Variants in SORCS2 observed in about 807,000 individuals in gnomAD.
SORCS2 encodes VPS10 domain-containing receptor SorCS2.
Under a neutral mutation model 141.6 loss-of-function variants are expected in SORCS2, and 100 were observed. The ratio of observed to expected loss-of-function variants is 0.71; its 90% CI spans 0.60 to 0.83. The LOEUF (loss-of-function observed/expected upper bound fraction) is 0.83. Ranked by LOEUF, SORCS2 falls within the 40% of genes least tolerant of loss-of-function variation. SORCS2 has a pLI of 0.00. For synonymous variants in SORCS2, 789 were observed against 676.9 expected (o/e 1.17, Z -2.57); for missense variants, 1,646 against 1,560.2 (o/e 1.05, Z -0.93).
chr4:7,472,806 C>G lies in SORCS2; in HGVS notation c.549-58724C>G, dbSNP rs373426369. Among the ~76,000 whole-genome samples, 3 of 152,258 alleles carry G rather than the reference C, an allele frequency of 2.0e-5. No individual in the cohort carries two copies. The South Asian group carries it at 6.2e-4, about 32-fold the overall frequency. ...GACTCCCCGCTGTGAGGCTCCCACT[C>G]TAGAACCTGGTTTGATTGGGGCGAG... On this transcript the variant is annotated intron_variant, in intron 2 of 26. Coordinates refer to ENST00000507866, the MANE Select transcript of SORCS2 (RefSeq NM_020777.3).
intron 3 of SORCS2, among the ~76,000 whole-genome samples, chr4:7,592,461 C>G (rs1376048197): frequency 6.6e-6 from 1 of 152,322 alleles, no homozygotes; most frequent in South Asian, 2.1e-4. Flanking sequence ...TTCTTTCTGG[C>G]TATCTGAACA....
intron 6 of SORCS2, 123 bp downstream of exon 6, chr4:7,661,687 T>A (rs760137060): frequency 2.0e-5 from 17 of 846,380 alleles, no homozygotes; most frequent in Non-Finnish European, 3.0e-5. Context: ...GGCCTCACTG[T>A]GTCTCGATGT....
At chr4:7,375,145 T>A (rs3864211) in intron 1 of SORCS2, among the ~76,000 whole-genome samples, 104,167 of 152,006 alleles carry the variant, frequency 0.69, 36,027 homozygotes, top group East Asian at 0.94. Flanking sequence ...CTCCCCTGCA[T>A]CACCCTCTCT....
intron 2 of SORCS2, among the ~76,000 whole-genome samples, chr4:7,439,629 G>A (rs529557158): frequency 2.4e-4 from 37 of 152,244 alleles, no homozygotes; most frequent in South Asian, 8.3e-4. Context: ...CTTGAACCTC[G>A]CATTGGTGGA....
At chr4:7,626,161 A>T (rs1318350510) in intron 3 of SORCS2, among the ~76,000 whole-genome samples, 1 of 151,970 alleles carries the variant, frequency 6.6e-6, no homozygotes, top group African/African-American at 2.4e-5. Flanking sequence ...TAAATAAATA[A>T]ATATAAATAA....
At chr4:7,480,394 G>A (rs1730557874) in intron 2 of SORCS2, among the ~76,000 whole-genome samples, 1 of 152,172 alleles carries the variant, frequency 6.6e-6, no homozygotes, top group Non-Finnish European at 1.5e-5. Flanking sequence ...CTTCCCCTCT[G>A]GTACCCACAG....
At chr4:7,599,003 G>A (rs1577816106) in intron 3 of SORCS2, among the ~76,000 whole-genome samples, 1 of 152,208 alleles carries the variant, frequency 6.6e-6, no homozygotes, top group Non-Finnish European at 1.5e-5. Flanking sequence ...TTGAAGCAAG[G>A]GCTCTTGAGG....
chr4:7,667,342 C>A, intron 8 of SORCS2, 129 bp downstream of exon 8: 2 of 811,720 alleles, frequency 2.5e-6, no homozygotes, highest in South Asian at 3.5e-5. Flanking sequence ...AGTGTGGCCA[C>A]GCTTCGTCCA....
At chr4:7,517,294 C>G (rs1298167258) in intron 2 of SORCS2, among the ~76,000 whole-genome samples, 1 of 152,160 alleles carries the variant, frequency 6.6e-6, no homozygotes. Flanking sequence ...TCGCACGACT[C>G]GAAGCATCCT....
chr4:7,637,835 G>T (rs1720370362), intron 3 of SORCS2, among the ~76,000 whole-genome samples: 1 of 151,882 alleles, frequency 6.6e-6, no homozygotes, highest in African/African-American at 2.4e-5. Context: ...CCTGACCCAG[G>T]CACTCCATGA....
chr4:7,544,589 T>G (rs1238868134), intron 3 of SORCS2, among the ~76,000 whole-genome samples: 5 of 152,236 alleles, frequency 3.3e-5, no homozygotes, highest in Non-Finnish European at 7.3e-5. Context: ...GGATGCTTCC[T>G]CCAGCCTGGG....
chr4:7,586,452 TA>T (rs1338703360), intron 3 of SORCS2, among the ~76,000 whole-genome samples: 4 of 152,202 alleles, frequency 2.6e-5, no homozygotes, highest in African/African-American at 9.7e-5. Flanking sequence ...CCAGCATCCA[TA>T]AGCTATTTTT....
intron 3 of SORCS2, among the ~76,000 whole-genome samples, chr4:7,533,462 C>T (rs1262930354): frequency 1.3e-5 from 2 of 152,200 alleles, no homozygotes; most frequent in Non-Finnish European, 2.9e-5. Flanking sequence ...GGCCCAGCTT[C>T]GAGTTCCTGT....
chr4:7,598,332 C>G (rs527687017), intron 3 of SORCS2, among the ~76,000 whole-genome samples: 17 of 152,198 alleles, frequency 1.1e-4, no homozygotes, highest in Non-Finnish European at 1.8e-4. Context: ...CTAGGCTGCC[C>G]GATGATGCCC....
intron 2 of SORCS2, among the ~76,000 whole-genome samples, chr4:7,414,047 C>T (rs1485542874): frequency 6.6e-6 from 1 of 152,218 alleles, no homozygotes; most frequent in Admixed American, 6.5e-5. Context: ...GTGAGATCAG[C>T]CTCCTTTCCT....
intron 1 of SORCS2, among the ~76,000 whole-genome samples, chr4:7,301,286 G>C (rs922291363): frequency 6.6e-6 from 1 of 152,190 alleles, no homozygotes; most frequent in Non-Finnish European, 1.5e-5. Context: ...AGCAGCTATC[G>C]AAACAGAAAC....
Position 7,525,887 on chromosome 4 carries a change from TCA to T in SORCS2, c.549-5642_549-5641del, listed in dbSNP as rs1452492194. Among the ~76,000 whole-genome samples, 7 of 127,242 alleles carry T rather than the reference TCA, an allele frequency of 5.5e-5. 1 individual carries two copies. The highest frequency in any genetic ancestry group is 2.7e-4 in the South Asian group (1 of 3,768). 83.5% of individuals were successfully genotyped at this position (127,242 alleles called of 152,430 possible). ...CCCTCCTCAGTCACCTGTCCCCTCC[TCA>T]GTCACCTGTCTCCTCCTGCAGTCAC... On this transcript the variant is annotated intron_variant, in intron 2 of 26. Transcript: ENST00000507866.
At chr4:7,391,134 CT>C (rs1416990684) in intron 1 of SORCS2, among the ~76,000 whole-genome samples, 1 of 152,200 alleles carries the variant, frequency 6.6e-6, no homozygotes, top group African/African-American at 2.4e-5. Context: ...GCATCACACC[CT>C]CTTTGTTTTA....
At chr4:7,507,821 C>T (rs11932649) in intron 2 of SORCS2, among the ~76,000 whole-genome samples, 272 of 152,050 alleles carry the variant, frequency 1.8e-3, no homozygotes, top group African/African-American at 6.1e-3. Context: ...TCTCTGTGTT[C>T]GAGCCATGCG....
Sources: gnomAD v4.1 joint callset for allele counts (sites outside exome capture counted in the v4.1 genomes callset) on GRCh38, gnomAD v4.1.1 for gene constraint, MANE v1.5 for transcripts, NCBI Gene and HGNC (gene_info 2026-07-23, HGNC 2026-07-21) for gene names.